The following SLC35A1 variants were observed in gnomAD, a reference collection of about 807,000 sequenced individuals.
The protein encoded by SLC35A1 is solute carrier family 35 member A1.
In SLC35A1, 21 loss-of-function variants were observed where a neutral mutation model predicts 40.3. The ratio of observed to expected loss-of-function variants is 0.52; its 90% CI spans 0.37 to 0.75. SLC35A1 has a LOEUF of 0.75. Ranked by LOEUF, SLC35A1 falls within the 30% of genes least tolerant of loss-of-function variation. The pLI is 0.00. For missense variants in SLC35A1, 297 were observed against 382.1 expected (o/e 0.78, Z 1.86); for synonymous variants, 146 against 147.3 (o/e 0.99, Z 0.06).
At chr6:87,481,435 T>C (rs534617830) in intron 2 of SLC35A1, among the ~76,000 whole-genome samples, 1 of 149,358 alleles carries the variant, frequency 6.7e-6, no homozygotes, top group East Asian at 2.0e-4. Context: ...AAAAAAAAAA[T>C]TGGGGGACAC....
At chr6:87,490,662 C>T (rs926997184) in intron 2 of SLC35A1, among the ~76,000 whole-genome samples, 2 of 151,962 alleles carry the variant, frequency 1.3e-5, no homozygotes, top group Admixed American at 6.6e-5. Flanking sequence ...CAGAAGGCAA[C>T]GGTGCATATG....
chr6:87,500,074 C>G (rs983526107), intron 2 of SLC35A1, among the ~76,000 whole-genome samples: 3 of 151,898 alleles, frequency 2.0e-5, no homozygotes, highest in African/African-American at 7.3e-5. Context: ...TGCACTCCAG[C>G]CGGGGCGACA....
chr6:87,477,166 G>GGGGTGT, intron 1 of SLC35A1, among the ~76,000 whole-genome samples, 196 bp from the exon 2 acceptor site: 1 of 149,876 alleles, frequency 6.7e-6, no homozygotes, highest in South Asian at 2.1e-4. Flanking sequence ...AGTCAGCTGT[G>GGGGTGT]GTGTGTGTGT....
At chr6:87,474,032 A>G (rs190656920) in intron 1 of SLC35A1, among the ~76,000 whole-genome samples, 323 of 152,382 alleles carry the variant, frequency 2.1e-3, no homozygotes, top group African/African-American at 7.4e-3. Context: ...TTCATTTCAA[A>G]TAAGTCCAAT....
At chr6:87,474,982 A>G (rs938365322) in intron 1 of SLC35A1, among the ~76,000 whole-genome samples, 4 of 152,242 alleles carry the variant, frequency 2.6e-5, no homozygotes, top group Non-Finnish European at 4.4e-5. Context: ...AGGAACCTGT[A>G]CAGTAGCTAA....
chr6:87,503,015 A>T (rs1769967388), intron 4 of SLC35A1, among the ~76,000 whole-genome samples: 1 of 152,206 alleles, frequency 6.6e-6, no homozygotes, highest in African/African-American at 2.4e-5. Flanking sequence ...AGTTATTTCC[A>T]GTTCTTACCC....
intron 2 of SLC35A1, among the ~76,000 whole-genome samples, chr6:87,478,933 G>A (rs577672648): frequency 2.0e-5 from 3 of 152,252 alleles, no homozygotes; most frequent in African/African-American, 7.2e-5. Context: ...TGGCTCTGTC[G>A]TTCCCCTATT....
At position 87,477,510 on chromosome 6, in the gene SLC35A1, G is replaced by A. The variant is rs1440851032; in HGVS notation, c.165G>A (p.Lys55=). ...TTAVCITEVI[K]LLLSVGILAK... Reference sequence around the variant, plus strand: ...CCGTGTGTATCACAGAAGTTATAAAGTTATTGCTAAGTGTGGGAATTTTAG... The same window carrying A: ...CCGTGTGTATCACAGAAGTTATAAAATTATTGCTAAGTGTGGGAATTTTAG... Residue 55 remains lysine (K), a synonymous_variant, in exon 2 of 8, where the codon AAG becomes AAA. Coordinates refer to ENST00000369552, the MANE Select transcript of SLC35A1 (RefSeq NM_006416.5). 4 of 1,614,022 alleles carry A rather than the reference G, an allele frequency of 2.5e-6. No homozygotes were observed. Among genetic ancestry groups the A allele is most frequent in the Middle Eastern group, 1.7e-4 (1 of 6,050 alleles).
At chr6:87,483,161 C>T (rs2127965399) in intron 2 of SLC35A1, among the ~76,000 whole-genome samples, 1 of 152,128 alleles carries the variant, frequency 6.6e-6, no homozygotes, top group East Asian at 1.9e-4. Context: ...TTACTTCTCT[C>T]TGTCTCTCTC....
chr6:87,482,203 A>G (rs1390663219), intron 2 of SLC35A1, among the ~76,000 whole-genome samples: 1 of 152,096 alleles, frequency 6.6e-6, no homozygotes, highest in African/African-American at 2.4e-5. Context: ...TAGGATAATA[A>G]TTTACCATAT....
intron 2 of SLC35A1, among the ~76,000 whole-genome samples, chr6:87,483,465 C>G (rs1769302280): frequency 1.3e-5 from 2 of 149,534 alleles, no homozygotes; most frequent in African/African-American, 2.5e-5. Flanking sequence ...CACTGAGGTT[C>G]AATGTACCCC....
rs1582188766 is a variant in SLC35A1, at chr6:87,500,423, C to T, written c.195-85C>T. On this transcript the variant is annotated intron_variant, in intron 2 of 7. Coordinates refer to ENST00000369552, the MANE Select transcript of SLC35A1 (RefSeq NM_006416.5). ...ATTACAGCAAGCATAGTATGCTTGT[C>T]CTGTGTTTGAAGAAGTCTTATTAAA... 18 of 1,334,106 alleles carry T rather than the reference C, an allele frequency of 1.3e-5. No individual in the cohort carries two copies. In the East Asian group the frequency reaches 3.7e-4, roughly 28 times the overall value. The allele number at this position is 1,334,106 out of a possible 1,614,324, so 82.6% of individuals were successfully genotyped here.
At chr6:87,481,741 A>G (rs1000922309) in intron 2 of SLC35A1, among the ~76,000 whole-genome samples, 1 of 152,222 alleles carries the variant, frequency 6.6e-6, no homozygotes, top group Non-Finnish European at 1.5e-5. Context: ...AAAATTTGTT[A>G]AAGAGCAGTT....
intron 7 of SLC35A1, 54 bp from the exon 8 acceptor site, chr6:87,511,345 T>C (rs1770263733): frequency 1.3e-6 from 2 of 1,597,508 alleles, no homozygotes; most frequent in South Asian, 1.1e-5. Flanking sequence ...AACTGATCAT[T>C]AGGCATTTTA....
At chr6:87,503,789 T>C (rs1436062440) in intron 4 of SLC35A1, among the ~76,000 whole-genome samples, 1 of 152,186 alleles carries the variant, frequency 6.6e-6, no homozygotes. Flanking sequence ...ATTCCCCTCA[T>C]CACTTAACAT....
chr6:87,505,123 TG>T (rs1199095627), intron 4 of SLC35A1, among the ~76,000 whole-genome samples: 1 of 152,228 alleles, frequency 6.6e-6, no homozygotes, highest in African/African-American at 2.4e-5. Flanking sequence ...TGAGAACCAC[TG>T]GTCTACAGTG....
intron 4 of SLC35A1, among the ~76,000 whole-genome samples, chr6:87,504,771 G>A (rs1210598452): frequency 6.6e-6 from 1 of 152,108 alleles, no homozygotes; most frequent in East Asian, 1.9e-4. Flanking sequence ...ACATTCAACT[G>A]GCAGGAAACT....
At chr6:87,505,512 T>C (rs1770052336) in intron 4 of SLC35A1, among the ~76,000 whole-genome samples, 1 of 152,222 alleles carries the variant, frequency 6.6e-6, no homozygotes, top group Non-Finnish European at 1.5e-5. Flanking sequence ...TCATTTAGTA[T>C]GTATCTTAGT....
At chr6:87,500,483 T>G (rs1435237221) in intron 2 of SLC35A1, 25 bp from the exon 3 acceptor site, 1 of 1,612,972 alleles carries the variant, frequency 6.2e-7, no homozygotes. Flanking sequence ...TACCACCCTC[T>G]CATCTCCCCC....
Sources: allele counts gnomAD v4.1 joint callset (sites outside exome capture counted in the v4.1 genomes callset), GRCh38; gene constraint gnomAD v4.1.1; transcripts MANE v1.5; gene names NCBI Gene and HGNC (gene_info 2026-07-23, HGNC 2026-07-21).